Variants in PRDM6 observed in about 807,000 individuals in gnomAD.
PRDM6 encodes the protein PR/SET domain 6.
PRDM6 carries 25 observed loss-of-function variants against 60.8 expected under a neutral mutation model. That is an observed-to-expected ratio of 0.41 (90% confidence interval 0.30 to 0.57). PRDM6 has a LOEUF of 0.57. Ranked by LOEUF, PRDM6 falls within the 20% of genes least tolerant of loss-of-function variation. The pLI is 0.27. For missense variants in PRDM6, 839 were observed against 821.3 expected (o/e 1.02, Z -0.26); for synonymous variants, 407 against 357.4 (o/e 1.14, Z -1.57).
intron 3 of PRDM6, among the ~76,000 whole-genome samples, chr5:123,140,284 A>G (rs1050625174): frequency 3.9e-5 from 6 of 152,094 alleles, no homozygotes; most frequent in African/African-American, 1.4e-4. Context: ...AGAAAAAAAA[A>G]AAAGGTCAGA....
At chr5:123,151,439 A>C (rs1277104830) in intron 3 of PRDM6, among the ~76,000 whole-genome samples, 1 of 152,184 alleles carries the variant, frequency 6.6e-6, no homozygotes, top group Non-Finnish European at 1.5e-5. Flanking sequence ...ACAGGACTGA[A>C]TGAGGTGAGG....
At chr5:123,167,193 A>G (rs1765771587) in intron 5 of PRDM6, among the ~76,000 whole-genome samples, 1 of 151,014 alleles carries the variant, frequency 6.6e-6, no homozygotes, top group South Asian at 2.1e-4. Flanking sequence ...GCATGATCAT[A>G]TACAATAGAG....
chr5:123,136,953 G>A (rs934580670), intron 3 of PRDM6, among the ~76,000 whole-genome samples: 1 of 152,190 alleles, frequency 6.6e-6, no homozygotes, highest in Non-Finnish European at 1.5e-5. Context: ...AGCTCTTGGG[G>A]CTTTAATTCC....
chr5:123,125,397 A>G (rs1480332858), intron 3 of PRDM6, among the ~76,000 whole-genome samples: 1 of 152,208 alleles, frequency 6.6e-6, no homozygotes. Flanking sequence ...GAAGTTAACA[A>G]TGTTAATGGA....
chr5:123,123,850 G>A (rs1425265191), intron 3 of PRDM6, among the ~76,000 whole-genome samples: 2 of 152,078 alleles, frequency 1.3e-5, no homozygotes, highest in Admixed American at 6.5e-5. Context: ...ATGGGCTCTC[G>A]TTAGAGGGCA....
intron 3 of PRDM6, among the ~76,000 whole-genome samples, chr5:123,147,279 AAGAGAGAG>A (rs3036135): frequency 5.6e-4 from 83 of 147,584 alleles, no homozygotes; most frequent in Non-Finnish European, 7.8e-4. Context: ...TGATACTAAA[AAGAGAGAG>A]AGAGAGAGAG....
At chr5:123,166,969 C>T (rs1765766728) in intron 5 of PRDM6, among the ~76,000 whole-genome samples, 1 of 152,148 alleles carries the variant, frequency 6.6e-6, no homozygotes, top group Non-Finnish European at 1.5e-5. Flanking sequence ...CATCTCTGCA[C>T]CTTTTGCCGT....
In PRDM6 at chr5:123,090,102, G is replaced by A. The variant is rs1338909566; in HGVS notation, c.88G>A (p.Gly30Arg). 3 of 1,546,506 alleles carry A rather than the reference G, an allele frequency of 1.9e-6. No individual in the cohort carries two copies. Among genetic ancestry groups the A allele is most frequent in the Non-Finnish European group, 8.7e-7 (1 of 1,145,236 alleles). Residue 30 changes from glycine (G) to arginine (R), a missense_variant, in exon 2 of 8, where the codon GGA becomes AGA. Physicochemically the swap from Gly to Arg is moderately radical, Grantham distance 125 (BLOSUM62 -2). Transcript: ENST00000407847. Reference sequence around the variant, plus strand: ...GCACTGGCAGCAACTCTTCCCTCACGGAGGCGCAGGCCCGCTCAAGGGCAG... The same window carrying A: ...GCACTGGCAGCAACTCTTCCCTCACAGAGGCGCAGGCCCGCTCAAGGGCAG... ...LQHWQQLFPH[G>R]GAGPLKGSGA... is the part of the protein sequence containing the mutation.
Position 123,099,621 on chromosome 5 carries a change from CTCCCT to C in PRDM6, c.593-24_593-20del, listed in dbSNP as rs1242825153. 1.4e-6 allele frequency: 2 copies of C among 1,437,108 alleles called. No homozygotes were observed. Among genetic ancestry groups the C allele is most frequent in the Admixed American group, 5.4e-5 (2 of 36,704 alleles). 89.0% of individuals were successfully genotyped at this position (1,437,108 alleles called of 1,614,324 possible). On this transcript the variant is annotated intron_variant, in intron 2 of 7. Transcript: ENST00000407847. The surrounding 1 kb of genome is among the most constrained non-coding windows in gnomAD (Gnocchi z 4.0). ...CGCTCGGGGCGGCCGGATTAACCCG[CTCCCT>C]TCCCTTCCTCCTTCTTGTCTCCCGC...
chr5:123,183,942 G>A (rs1766224095), intron 7 of PRDM6, among the ~76,000 whole-genome samples: 1 of 151,996 alleles, frequency 6.6e-6, no homozygotes, highest in African/African-American at 2.4e-5. Flanking sequence ...CCTTAGGAGG[G>A]GTTCTTCATT....
intron 7 of PRDM6, among the ~76,000 whole-genome samples, chr5:123,183,850 C>T (rs1019293138): frequency 5.3e-5 from 8 of 152,146 alleles, no homozygotes; most frequent in African/African-American, 1.9e-4. Flanking sequence ...GTGGGCTGCC[C>T]TGCTGTGCCT....
chr5:123,117,114 G>A (rs547878953), intron 3 of PRDM6, among the ~76,000 whole-genome samples: 11 of 152,256 alleles, frequency 7.2e-5, no homozygotes, highest in African/African-American at 2.2e-4. Flanking sequence ...GAGCTCTGGA[G>A]CCCCCAAATA....
At chr5:123,121,683 A>C (rs1764583757) in intron 3 of PRDM6, among the ~76,000 whole-genome samples, 1 of 152,210 alleles carries the variant, frequency 6.6e-6, no homozygotes, top group African/African-American at 2.4e-5. Context: ...ACACCTGATA[A>C]TATTAACAAT....
rs573446197 is a variant in PRDM6, at chr5:123,191,944, T to G, written c.*4743T>G. On this transcript the variant is annotated 3_prime_UTR_variant, in exon 8 of 8. Transcript: ENST00000407847. ...TTTGACATTTAAAATATTTATTTAG[T>G]TTCTTCCTTTAAATAATAAATGCCA... 1 of 152,228 alleles carries G rather than the reference T, an allele frequency of 6.6e-6. No individual in the cohort carries two copies. Among genetic ancestry groups the G allele is most frequent in the Non-Finnish European group, 1.5e-5 (1 of 68,042 alleles). The allele number at this position is 152,228 out of a possible 1,614,324, so 9.4% of individuals were successfully genotyped here. A position where few individuals can be genotyped will look rare whatever the true frequency, so the allele number is the denominator to read the frequency against.
chr5:123,089,380 G>A lies in PRDM6; in HGVS notation c.-155G>A, dbSNP rs958906579. ...CAATTTTCTCGCTTGCAGGTCGGGA[G>A]GTTTCCGGGCGGCACAATCTCTAGG... is the stretch of plus-strand genomic sequence containing the variant. On this transcript the variant is annotated 5_prime_UTR_variant, in exon 1 of 8. Coordinates refer to ENST00000407847, the MANE Select transcript of PRDM6 (RefSeq NM_001136239.4). 6.5e-6 allele frequency: 1 copy of A among 152,680 alleles called. No individual in the cohort carries two copies. Among genetic ancestry groups the A allele is most frequent in the Non-Finnish European group, 1.5e-5 (1 of 68,240 alleles). 9.5% of individuals were successfully genotyped at this position (152,680 alleles called of 1,614,324 possible). A position where few individuals can be genotyped will look rare whatever the true frequency, so the allele number is the denominator to read the frequency against.
chr5:123,180,126 C>G, intron 6 of PRDM6, 21 bp from the exon 7 acceptor site: 1 of 1,515,698 alleles, frequency 6.6e-7, no homozygotes, highest in South Asian at 1.2e-5. Context: ...AATGACCAGA[C>G]AGTCTGTTTA....
At chr5:123,170,717 T>C (rs771842277) in intron 5 of PRDM6, 49 bp from the exon 6 acceptor site, 17 of 1,290,238 alleles carry the variant, frequency 1.3e-5, no homozygotes, top group Non-Finnish European at 1.7e-5. Flanking sequence ...ATTGTGCTTA[T>C]TTTAAAGGCT....
At chr5:123,142,651 C>T (rs2126861777) in intron 3 of PRDM6, among the ~76,000 whole-genome samples, 1 of 152,162 alleles carries the variant, frequency 6.6e-6, no homozygotes, top group East Asian at 1.9e-4. Context: ...CAGCAATAGA[C>T]AGTGCTAAAT....
intron 3 of PRDM6, among the ~76,000 whole-genome samples, chr5:123,112,000 A>G (rs931955714): frequency 2.6e-5 from 4 of 152,190 alleles, no homozygotes; most frequent in Non-Finnish European, 5.9e-5. Flanking sequence ...GTACATATTA[A>G]AGAACTACTA....
Sources: gnomAD v4.1 joint callset for allele counts (sites outside exome capture counted in the v4.1 genomes callset) on GRCh38, gnomAD v4.1.1 for gene constraint, Gnocchi (gnomAD v3.1) non-coding constraint, MANE v1.5 for transcripts, NCBI Gene and HGNC (gene_info 2026-07-23, HGNC 2026-07-21) for gene names.